The following BRWD3 variants were observed in gnomAD, a reference collection of about 807,000 sequenced individuals.
The protein encoded by BRWD3 is bromodomain and WD repeat-containing protein 3.
In BRWD3, 10 loss-of-function variants were observed where a neutral mutation model predicts 149.7. The ratio of observed to expected loss-of-function variants is 0.07; its 90% CI spans 0.04 to 0.11. The LOEUF (loss-of-function observed/expected upper bound fraction) is 0.11, where lower values mean the gene tolerates loss of function less well. Ranked by LOEUF, BRWD3 falls within the 10% of genes least tolerant of loss-of-function variation. BRWD3 has a pLI of 1.00. For missense variants in BRWD3, 940 were observed against 1,373.2 expected, an observed-to-expected ratio of 0.68 and a Z score of 4.99; for synonymous variants, 504 against 456.7, an observed-to-expected ratio of 1.10 and a Z score of -1.32.
intron 6 of BRWD3, among the ~76,000 whole-genome samples, chrX:80,788,562 C>CAACAGTTCG (rs1354478718): frequency 9.0e-6 from 1 of 111,484 alleles, no homozygotes; most frequent in African/African-American, 3.3e-5. Flanking sequence ...GCTACTTTCA[C>CAACAGTTCG]AACAGTTCGG....
rs765453067 is a variant in BRWD3, at chrX:80,743,326, A to G, written c.813+706T>C. 4.5e-5 allele frequency among the ~76,000 whole-genome samples: 5 copies of G among 111,784 alleles called. No homozygotes were observed. The South Asian group carries it at 1.9e-3, about 42-fold the overall frequency. On this transcript the variant is annotated intron_variant, in intron 8 of 40. Coordinates refer to ENST00000373275, the MANE Select transcript of BRWD3 (RefSeq NM_153252.5). Reference sequence around the variant, plus strand: ...TATTTTATTGAGGATTTTTGCATCGATGTTCATCAAGGATATTGGTCTAAA... The same window carrying G: ...TATTTTATTGAGGATTTTTGCATCGGTGTTCATCAAGGATATTGGTCTAAA...
intron 7 of BRWD3, among the ~76,000 whole-genome samples, chrX:80,745,035 A>G (rs2073570362): frequency 8.9e-6 from 1 of 111,905 alleles, no homozygotes; most frequent in African/African-American, 3.2e-5. Context: ...TTTTGGAAAT[A>G]CTGGTGTACT....
At chrX:80,742,158 TA>T (rs762720229) in intron 8 of BRWD3, among the ~76,000 whole-genome samples, 1,642 of 111,436 alleles carry the variant, frequency 0.015, 19 homozygotes, top group Non-Finnish European at 0.023. Context: ...CACCATTTAT[TA>T]AATAGGGAAT....
intron 11 of BRWD3, among the ~76,000 whole-genome samples, chrX:80,733,885 A>G (rs1419576235): frequency 9.0e-6 from 1 of 111,481 alleles, no homozygotes. Flanking sequence ...TTCCCACATC[A>G]TTTATTTAAT....
chrX:80,802,765 T>C (rs2074313606), intron 4 of BRWD3, among the ~76,000 whole-genome samples: 1 of 110,622 alleles, frequency 9.0e-6, no homozygotes, highest in African/African-American at 3.3e-5. Flanking sequence ...CTATATTCCA[T>C]ACTAAATATT....
At chrX:80,802,442 T>TA (rs760675783) in intron 4 of BRWD3, among the ~76,000 whole-genome samples, 6,509 of 48,694 alleles carry the variant, frequency 0.13, 553 homozygotes, top group African/African-American at 0.22. Context: ...ACTCTCATCT[T>TA]AAAAAAAAAA....
chrX:80,693,450 C>G (rs1450938325), intron 27 of BRWD3, among the ~76,000 whole-genome samples: 5 of 111,930 alleles, frequency 4.5e-5, no homozygotes, highest in Non-Finnish European at 9.4e-5. Context: ...ATCTTCAAGG[C>G]AGGCTGTAAA....
At chrX:80,780,263 T>C (rs1290137497) in intron 6 of BRWD3, among the ~76,000 whole-genome samples, 2 of 110,779 alleles carry the variant, frequency 1.8e-5, no homozygotes, top group African/African-American at 3.3e-5. Context: ...TGGTGTATAC[T>C]GAAAGAAAAA....
chrX:80,719,397 TAA>T, intron 18 of BRWD3, 90 bp downstream of exon 18: 1 of 872,656 alleles, frequency 1.1e-6, no homozygotes, highest in Non-Finnish European at 1.6e-6. Flanking sequence ...TTTTTATTTA[TAA>T]ACGTAAAATA....
chrX:80,753,234 C>T (rs1397546030), intron 6 of BRWD3, among the ~76,000 whole-genome samples: 1 of 107,693 alleles, frequency 9.3e-6, no homozygotes, highest in Non-Finnish European at 1.9e-5. Flanking sequence ...CAGTAAGTCC[C>T]ATTTGTCTAT....
intron 8 of BRWD3, among the ~76,000 whole-genome samples, chrX:80,742,454 G>A (rs1253664139): frequency 9.6e-6 from 1 of 104,424 alleles, no homozygotes; most frequent in African/African-American, 3.7e-5. Context: ...GTAGCTTGAT[G>A]GGGATGGCAT....
intron 6 of BRWD3, among the ~76,000 whole-genome samples, chrX:80,789,891 T>C (rs1056132829): frequency 4.7e-5 from 5 of 106,416 alleles, no homozygotes; most frequent in African/African-American, 1.4e-4. Context: ...TTCAAGAGGA[T>C]ATACCAGGCA....
intron 4 of BRWD3, among the ~76,000 whole-genome samples, chrX:80,801,072 G>A (rs918012930): frequency 9.2e-6 from 1 of 108,958 alleles, no homozygotes; most frequent in South Asian, 3.9e-4. Flanking sequence ...AAAGAACCCA[G>A]TACCAACTAG....
chrX:80,754,267 T>C (rs1214325051), intron 6 of BRWD3, among the ~76,000 whole-genome samples: 1 of 111,900 alleles, frequency 8.9e-6, no homozygotes, highest in Admixed American at 9.5e-5. Flanking sequence ...TGGGGGTTTT[T>C]TTGTAGCTAT....
chrX:80,707,375 T>C (rs575264833), intron 22 of BRWD3, 52 bp downstream of exon 22: 1 of 1,035,563 alleles, frequency 9.7e-7, no homozygotes, highest in South Asian at 2.0e-5. Flanking sequence ...GAACATAATT[T>C]CGTATTAAAA....
chrX:80,696,003 T>A lies in BRWD3; in HGVS notation c.3069-13A>T. The A allele has an allele frequency of 8.7e-7, 1 of 1,143,370 alleles. No homozygotes were observed. Among genetic ancestry groups the A allele is most frequent in the South Asian group, 1.8e-5 (1 of 55,093 alleles). 94.2% of individuals were successfully genotyped at this position (1,143,370 alleles called of 1,213,427 possible). A position where few individuals can be genotyped will look rare whatever the true frequency, so the allele number is the denominator to read the frequency against. On this transcript the variant is annotated splice_polypyrimidine_tract_variant and intron_variant, in intron 26 of 40. Transcript: ENST00000373275. The stretch of plus-strand genomic sequence containing the variant: ...CATGTCATGATACCTATACAGAAAA[T>A]AAAGCACATATGAATCAATATAGAG...
chrX:80,809,801 GAGAC>G lies in BRWD3; in HGVS notation c.-334_-331del, dbSNP rs1455955178. 6.7e-6 allele frequency: 1 copy of G among 149,194 alleles called. No individual in the cohort carries two copies. The highest frequency in any genetic ancestry group is 1.2e-5 in the Non-Finnish European group (1 of 85,207). 12.3% of individuals were successfully genotyped at this position (149,194 alleles called of 1,213,427 possible). A position where few individuals can be genotyped will look rare whatever the true frequency, so the allele number is the denominator to read the frequency against. ...AGAGAGAGAGAGAGAGAGAGAGAGA[GAGAC>G]GCGGGGGGTGGGGGGGCGGAGAGAG... On this transcript the variant is annotated 5_prime_UTR_variant, in exon 1 of 41. Coordinates refer to ENST00000373275, the MANE Select transcript of BRWD3 (RefSeq NM_153252.5).
intron 33 of BRWD3, among the ~76,000 whole-genome samples, chrX:80,688,780 A>G (rs1201654973): frequency 1.8e-5 from 2 of 111,079 alleles, no homozygotes; most frequent in African/African-American, 6.5e-5. Flanking sequence ...AATTCCTGCT[A>G]CATCAAATTT....
At chrX:80,689,531 T>A (rs180932617) in intron 33 of BRWD3, among the ~76,000 whole-genome samples, 130 of 111,755 alleles carry the variant, frequency 1.2e-3, no homozygotes, top group Non-Finnish European at 2.0e-3. Flanking sequence ...TGATTTCTCG[T>A]CACTTACATC....
Sources: gnomAD v4.1 joint callset for allele counts (sites outside exome capture counted in the v4.1 genomes callset) on GRCh38, gnomAD v4.1.1 for gene constraint, MANE v1.5 for transcripts, NCBI Gene and HGNC (gene_info 2026-07-23, HGNC 2026-07-21) for gene names.